The following TRPM3 variants were observed in gnomAD, a reference collection of about 807,000 sequenced individuals.
TRPM3 encodes transient receptor potential cation channel subfamily M member 3, also known as long transient receptor potential channel 3.
Under a neutral mutation model 181.2 loss-of-function variants are expected in TRPM3, and 77 were observed. The ratio of observed to expected loss-of-function variants is 0.42; its 90% CI spans 0.35 to 0.51. The LOEUF (loss-of-function observed/expected upper bound fraction) is 0.51. Among genes scored for constraint, TRPM3 ranks in the 20% least tolerant of loss-of-function variants. The pLI, the probability that TRPM3 is intolerant of heterozygous loss-of-function variation, is 0.01. For missense variants in TRPM3, 1,759 were observed against 2,196.7 expected (o/e 0.80, Z 3.98); for synonymous variants, 745 against 796.4 (o/e 0.94, Z 1.09).
chr9:71,044,435 T>C (rs936061578), intron 1 of TRPM3, among the ~76,000 whole-genome samples: 3 of 152,370 alleles, frequency 2.0e-5, no homozygotes, highest in African/African-American at 7.2e-5. Context: ...TTATATTCTT[T>C]GCTTTTCCAC....
intron 1 of TRPM3, among the ~76,000 whole-genome samples, chr9:71,184,297 A>C (rs908940850): frequency 1.3e-5 from 2 of 152,118 alleles, no homozygotes; most frequent in African/African-American, 4.8e-5. Context: ...GGTTGCAAGA[A>C]CACCACTTTA....
At chr9:71,280,078 CAA>C (rs36019274) in intron 1 of TRPM3, among the ~76,000 whole-genome samples, 114 of 105,678 alleles carry the variant, frequency 1.1e-3, no homozygotes, top group East Asian at 1.2e-3. Flanking sequence ...AACTCCATCT[CAA>C]AAAAAAAAAA....
At chr9:70,659,391 C>A (rs1295297927) in intron 9 of TRPM3, among the ~76,000 whole-genome samples, 1 of 152,132 alleles carries the variant, frequency 6.6e-6, no homozygotes, top group Non-Finnish European at 1.5e-5. Context: ...ATTGACCCAA[C>A]TCATAGGTAT....
chr9:71,121,094 G>A (rs2073555737), intron 1 of TRPM3, 84 bp downstream of exon 1: 3 of 1,395,448 alleles, frequency 2.1e-6, no homozygotes, highest in Non-Finnish European at 3.0e-6. Flanking sequence ...TCCCCCAAAG[G>A]TGCGTCCCAG....
At chr9:71,108,474 C>A (rs577903039) in intron 1 of TRPM3, among the ~76,000 whole-genome samples, 3 of 152,254 alleles carry the variant, frequency 2.0e-5, no homozygotes, top group African/African-American at 7.2e-5. Flanking sequence ...GACTCTATTT[C>A]TCTGACCAGA....
intron 22 of TRPM3, among the ~76,000 whole-genome samples, chr9:70,572,244 A>G (rs1389615062): frequency 6.6e-6 from 1 of 152,178 alleles, no homozygotes; most frequent in Non-Finnish European, 1.5e-5. Flanking sequence ...ACTTTTAACA[A>G]ACTTAAATAA....
At chr9:70,752,722 T>C (rs1324225515) in intron 8 of TRPM3, among the ~76,000 whole-genome samples, 1 of 152,210 alleles carries the variant, frequency 6.6e-6, no homozygotes, top group Admixed American at 6.5e-5. Flanking sequence ...TATTCAGAAC[T>C]GTAATATGCC....
chr9:71,283,153 T>A lies in TRPM3; in HGVS notation c.183+163500A>T, dbSNP rs141906342. On this transcript the variant is annotated intron_variant, in intron 1 of 24. Coordinates refer to the TRPM3 transcript ENST00000357533. ...TCCAAGTCCTTGGAAACCATCATTT[T>A]ACTTTCCATTTCTATAACTCTATTA... Among the ~76,000 whole-genome samples, 28 of 152,358 alleles carry A rather than the reference T, an allele frequency of 1.8e-4. No homozygotes were observed. The East Asian group carries it at 5.2e-3, about 28-fold the overall frequency.
At chr9:70,607,539 C>T (rs1025800131) in intron 19 of TRPM3, among the ~76,000 whole-genome samples, 3 of 152,080 alleles carry the variant, frequency 2.0e-5, no homozygotes, top group Non-Finnish European at 2.9e-5. Flanking sequence ...GGCCCCACCA[C>T]CCCCCGCCAA....
At chr9:70,856,351 CTCAAAACCTT>C (rs2095387172) in intron 3 of TRPM3, among the ~76,000 whole-genome samples, 1 of 152,172 alleles carries the variant, frequency 6.6e-6, no homozygotes, top group East Asian at 1.9e-4. Context: ...TACAAAACCT[CTCAAAACCTT>C]ACCGTGTATG....
intron 1 of TRPM3, among the ~76,000 whole-genome samples, chr9:71,285,432 T>C (rs1183467240): frequency 1.3e-5 from 2 of 152,212 alleles, no homozygotes; most frequent in Non-Finnish European, 2.9e-5. Flanking sequence ...GCAAACAGTA[T>C]AGTCCTCAGA....
At chr9:70,753,862 G>A (rs564026568) in intron 8 of TRPM3, among the ~76,000 whole-genome samples, 3 of 152,224 alleles carry the variant, frequency 2.0e-5, no homozygotes, top group East Asian at 3.9e-4. Flanking sequence ...CTGATTGGAC[G>A]CTAGGAGGTC....
Position 70,537,129 on chromosome 9 carries a change from G to T in TRPM3, c.3984C>A (p.Asp1328Glu). The change falls in exon 26 of 26, where the codon GAC becomes GAA. Residue 1328 changes from aspartate (D) to glutamate (E), a missense_variant. Transcript: ENST00000677713. Reference protein sequence around the residue: ...GNTFKLQESIDPAGEETMSPT... With the variant: ...GNTFKLQESIEPAGEETMSPT... Reference sequence around the variant, plus strand: ...GGGACATGGTCTCCTCACCTGCAGGGTCTATACTCTCTTGGAGCTTGAAGG... The same window carrying T: ...GGGACATGGTCTCCTCACCTGCAGGTTCTATACTCTCTTGGAGCTTGAAGG... 3 of 1,602,674 alleles carry T rather than the reference G, an allele frequency of 1.9e-6. No individual in the cohort carries two copies. The highest frequency in any genetic ancestry group is 2.6e-6 in the Non-Finnish European group (3 of 1,171,038).
At chr9:71,446,509 A>G in intron 1 of TRPM3, 1 of 825,024 alleles carries the variant, frequency 1.2e-6, no homozygotes, top group Non-Finnish European at 1.8e-6. Flanking sequence ...CACAGCCCCC[A>G]GCACTCTATT....
chr9:70,996,107 T>A (rs2097539161), intron 1 of TRPM3, among the ~76,000 whole-genome samples: 1 of 152,204 alleles, frequency 6.6e-6, no homozygotes, highest in Non-Finnish European at 1.5e-5. Flanking sequence ...AGGTACTATG[T>A]GGTTGAAATA....
intron 1 of TRPM3, among the ~76,000 whole-genome samples, chr9:71,288,776 A>G (rs192917751): frequency 6.6e-6 from 1 of 152,282 alleles, no homozygotes; most frequent in Admixed American, 6.5e-5. Flanking sequence ...ATCAAAGAAA[A>G]AAGTTGAGGG....
intron 1 of TRPM3, among the ~76,000 whole-genome samples, chr9:70,941,780 G>T (rs2096888476): frequency 6.6e-6 from 1 of 152,138 alleles, no homozygotes; most frequent in Non-Finnish European, 1.5e-5. Context: ...ATGAACATCT[G>T]GATCAGATTT....
At chr9:71,327,960 A>T (rs946631007) in intron 1 of TRPM3, among the ~76,000 whole-genome samples, 1 of 151,856 alleles carries the variant, frequency 6.6e-6, no homozygotes, top group African/African-American at 2.4e-5. Flanking sequence ...GCTCCACACC[A>T]TTACTGGACT....
At chr9:70,910,562 A>T (rs2096527725) in intron 1 of TRPM3, among the ~76,000 whole-genome samples, 1 of 152,224 alleles carries the variant, frequency 6.6e-6, no homozygotes. Flanking sequence ...TAAAAAGAAT[A>T]AAACTTGGTA....
Sources: gnomAD v4.1 joint callset for allele counts (sites outside exome capture counted in the v4.1 genomes callset) on GRCh38, gnomAD v4.1.1 for gene constraint, MANE v1.5 for transcripts, NCBI Gene and HGNC (gene_info 2026-07-23, HGNC 2026-07-21) for gene names.